Variants in WASL observed in about 807,000 individuals in gnomAD.
WASL encodes the protein WASP like actin nucleation promoting factor.
WASL carries 20 observed loss-of-function variants against 55.5 expected under a neutral mutation model. That is an observed-to-expected ratio of 0.36 (90% CI 0.25 to 0.52). The LOEUF (loss-of-function observed/expected upper bound fraction) is 0.52. Among genes scored for constraint, WASL ranks in the 20% least tolerant of loss-of-function variants. The probability of loss-of-function intolerance (pLI) is 0.92; values close to 1 mark genes in which losing one functional copy is unlikely to be tolerated. For synonymous variants in WASL, 249 were observed against 217.6 expected (o/e 1.14, Z -1.27); for missense variants, 504 against 622.5 (o/e 0.81, Z 2.03).
rs183445008 is a variant in WASL, at chr7:123,683,131, T to C, written c.*1388A>G. ...AATTTTTAGTTGGATATTGTGACTA[T>C]AGTAATGAAATACATTTGGAACTAC... On this transcript the variant is annotated 3_prime_UTR_variant, in exon 11 of 11. Coordinates refer to ENST00000223023, the MANE Select transcript of WASL (RefSeq NM_003941.4). The C allele has an allele frequency of 2.2e-4, 33 of 152,204 alleles. No homozygotes were observed. The highest frequency in any genetic ancestry group is 4.3e-4 in the Non-Finnish European group (29 of 67,988). 9.4% of individuals were successfully genotyped at this position (152,204 alleles called of 1,614,324 possible). A position where few individuals can be genotyped will look rare whatever the true frequency, so the allele number is the denominator to read the frequency against.
At chr7:123,742,078 C>T (rs1365543499) in intron 1 of WASL, among the ~76,000 whole-genome samples, 1 of 152,162 alleles carries the variant, frequency 6.6e-6, no homozygotes, top group Admixed American at 6.5e-5. Context: ...GAGTGACTGG[C>T]AGAACTTGGT....
At chr7:123,688,082 T>C (rs1346543436) in intron 10 of WASL, among the ~76,000 whole-genome samples, 1 of 152,188 alleles carries the variant, frequency 6.6e-6, no homozygotes, top group Non-Finnish European at 1.5e-5. Flanking sequence ...GCACATCATG[T>C]TGGAGAAGCT....
Position 123,682,918 on chromosome 7 carries a change from T to G in WASL, c.*1601A>C, listed in dbSNP as rs1803221318. The stretch of plus-strand genomic sequence containing the variant: ...AGAAAGATAACATTCTTTGAATAAC[T>G]TAAGTATTTTACTGCACCACTTACT... On this transcript the variant is annotated 3_prime_UTR_variant, in exon 11 of 11. Coordinates refer to ENST00000223023, the MANE Select transcript of WASL (RefSeq NM_003941.4). 1 of 152,142 alleles carries G rather than the reference T, an allele frequency of 6.6e-6. No individual in the cohort carries two copies. The highest frequency in any genetic ancestry group is 2.1e-4 in the South Asian group (1 of 4,834). 9.4% of individuals were successfully genotyped at this position (152,142 alleles called of 1,614,324 possible). A position where few individuals can be genotyped will look rare whatever the true frequency, so the allele number is the denominator to read the frequency against.
Position 123,706,269 on chromosome 7 carries a change from AG to A in WASL, c.436+7del. The A allele has an allele frequency of 1.9e-6, 3 of 1,611,654 alleles. No homozygotes were observed. The highest frequency in any genetic ancestry group is 2.5e-6 in the Non-Finnish European group (3 of 1,178,814). On this transcript the variant is annotated splice_region_variant and intron_variant, in intron 4 of 10. Coordinates refer to ENST00000223023, the MANE Select transcript of WASL (RefSeq NM_003941.4). ...CTGGCCTGATTTAAGTAATTAAAAA[AG>A]GGTTACCAGATTTCCTTTGTCGACG...
intron 1 of WASL, among the ~76,000 whole-genome samples, chr7:123,737,678 A>G (rs1804261339): frequency 6.6e-6 from 1 of 151,654 alleles, no homozygotes; most frequent in Non-Finnish European, 1.5e-5. Flanking sequence ...AGCCATTTAT[A>G]AAAATAAAAA....
chr7:123,687,117 A>AT lies in WASL; in HGVS notation c.1456+1924dup, dbSNP rs1197150740. Among the ~76,000 whole-genome samples the AT allele has an allele frequency of 1.1e-4, 16 of 152,224 alleles. No individual in the cohort carries two copies. In the East Asian group the frequency reaches 2.9e-3, roughly 28 times the overall value. ...TGTTCAAGTCAAAAACCTTGGAGTC[A>AT]TTTTGCACTCTTCTTTTTCTTCAAC... On this transcript the variant is annotated intron_variant, in intron 10 of 10. Transcript: ENST00000223023.
intron 1 of WASL, among the ~76,000 whole-genome samples, chr7:123,735,602 G>A (rs564781719): frequency 2.6e-5 from 4 of 152,074 alleles, no homozygotes; most frequent in Non-Finnish European, 4.4e-5. Flanking sequence ...TAAAAAACAC[G>A]CAAATCAAAC....
chr7:123,688,629 T>C (rs1803338058), intron 10 of WASL, among the ~76,000 whole-genome samples: 1 of 152,194 alleles, frequency 6.6e-6, no homozygotes, highest in Non-Finnish European at 1.5e-5. Context: ...CCCAAAGTGC[T>C]GGGATTACAG....
At chr7:123,709,896 T>C (rs1208518912) in intron 1 of WASL, among the ~76,000 whole-genome samples, 3 of 152,274 alleles carry the variant, frequency 2.0e-5, no homozygotes, top group African/African-American at 7.2e-5. Context: ...ACTGAGGATA[T>C]GAAAAAGATT....
At chr7:123,702,579 G>A (rs1803609470) in intron 5 of WASL, among the ~76,000 whole-genome samples, 1 of 152,080 alleles carries the variant, frequency 6.6e-6, no homozygotes, top group Non-Finnish European at 1.5e-5. Context: ...AAAATGGATG[G>A]GTCCATCTGT....
intron 1 of WASL, among the ~76,000 whole-genome samples, chr7:123,728,443 G>GA (rs1267506499): frequency 6.6e-6 from 1 of 152,148 alleles, no homozygotes; most frequent in Non-Finnish European, 1.5e-5. Flanking sequence ...GGTAGAAAGG[G>GA]AAAACAACAA....
chr7:123,744,456 G>A (rs1233646215), intron 1 of WASL, among the ~76,000 whole-genome samples: 1 of 151,992 alleles, frequency 6.6e-6, no homozygotes, highest in Non-Finnish European at 1.5e-5. Flanking sequence ...CTATCTCCAA[G>A]AATTATATAT....
intron 1 of WASL, among the ~76,000 whole-genome samples, chr7:123,740,481 T>C (rs1183978343): frequency 2.0e-5 from 3 of 152,348 alleles, no homozygotes; most frequent in African/African-American, 7.2e-5. Flanking sequence ...ACTATATTTA[T>C]GAATATGGTT....
chr7:123,706,890 G>A, intron 2 of WASL, 64 bp from the exon 3 acceptor site: 1 of 980,780 alleles, frequency 1.0e-6, no homozygotes. Context: ...ATAAAACAAA[G>A]AAGATGACTC....
rs3035629 is a variant in WASL at position 123,689,006 on chromosome 7, GTCTCTCTCTCTCTCTCTCTC to G, written c.1456+16_1456+35del. On this transcript the variant is annotated intron_variant, in intron 10 of 10. Coordinates refer to ENST00000223023, the MANE Select transcript of WASL (RefSeq NM_003941.4). Reference sequence around the variant, plus strand: ...TTAAACACACACGCACACTCTCTCTGTCTCTCTCTCTCTCTCTCTCTCTCTCTCTCTCTACCTGAAGAATG... The same window carrying G: ...TTAAACACACACGCACACTCTCTCTGTCTCTCTCTCTCTACCTGAAGAATG... 6 of 1,279,118 alleles carry G rather than the reference GTCTCTCTCTCTCTCTCTCTC, an allele frequency of 4.7e-6. No individual in the cohort carries two copies. The African/African-American group carries it at 6.1e-5, about 13-fold the overall frequency. The allele number at this position is 1,279,118 out of a possible 1,614,324, so 79.2% of individuals were successfully genotyped here.
At chr7:123,698,805 G>T (rs552563285) in intron 5 of WASL, among the ~76,000 whole-genome samples, 5 of 152,230 alleles carry the variant, frequency 3.3e-5, no homozygotes, top group Admixed American at 3.3e-4. Flanking sequence ...ATTTGCTCAG[G>T]TATCAGATTT....
intron 1 of WASL, among the ~76,000 whole-genome samples, chr7:123,714,395 A>G (rs1803805335): frequency 6.6e-6 from 1 of 152,146 alleles, no homozygotes; most frequent in Admixed American, 6.6e-5. Context: ...TAAAAAGAAT[A>G]TGGCAATGAC....
At position 123,696,715 on chromosome 7, in the gene WASL, T is replaced by G; in HGVS notation, c.493A>C (p.Lys165Gln). 1 of 1,598,516 alleles carries G rather than the reference T, an allele frequency of 6.3e-7. No individual in the cohort carries two copies. Among genetic ancestry groups the G allele is most frequent in the Non-Finnish European group, 8.5e-7 (1 of 1,172,478 alleles). ...PNLPMATVDI[K>Q]NPEITTNRFY... Reference sequence around the variant, plus strand: ...CTATTTGTTGTGATTTCTGGATTTTTTATATCAACTGTAGCCATGGGTAGA... The same window carrying G: ...CTATTTGTTGTGATTTCTGGATTTTGTATATCAACTGTAGCCATGGGTAGA... The change falls in exon 6 of 11, where the codon AAA becomes CAA. Residue 165 changes from lysine (K) to glutamine (Q), a missense_variant. Lys to Gln is a moderately conservative substitution (Grantham distance 53). Around this residue, in one of 5 missense-constraint regions of WASL, gnomAD observed 230 missense variants for 271.9 expected, o/e 0.85. Coordinates refer to ENST00000223023, the MANE Select transcript of WASL (RefSeq NM_003941.4).
Position 123,709,207 on chromosome 7 carries a change from ACTG to A in WASL, c.131_133del (p.Ala44del). ...CCGATCTGCTGCATATAACTGCACC[ACTG>A]CTGAAGACATAGTCTGCAAAATATA... On this transcript the variant is annotated inframe_deletion, in exon 2 of 11. Transcript: ENST00000223023. The A allele has an allele frequency of 6.2e-7, 1 of 1,606,204 alleles. No homozygotes were observed.
Sources: gnomAD v4.1 joint callset for allele counts (sites outside exome capture counted in the v4.1 genomes callset) on GRCh38, gnomAD v4.1.1 for gene constraint, gnomAD v4.1.1 regional missense constraint, MANE v1.5 for transcripts, NCBI Gene and HGNC (gene_info 2026-07-23, HGNC 2026-07-21) for gene names.